The following FIP1L1 variants were observed in gnomAD, a reference collection of about 807,000 sequenced individuals.
FIP1L1 encodes factor interacting with PAPOLA and CPSF1.
A neutral mutation model predicts 84.6 loss-of-function variants in FIP1L1; 21 were observed. That is an observed-to-expected ratio of 0.25 (90% confidence interval 0.18 to 0.36). FIP1L1 has a LOEUF of 0.36. FIP1L1 is among the 10% of genes least tolerant of loss of function. FIP1L1 has a pLI of 1.00. For synonymous variants in FIP1L1, 263 were observed against 242.3 expected (o/e 1.09, Z -0.80); for missense variants, 526 against 751.1 (o/e 0.70, Z 3.50).
chr4:53,410,141 C>G (rs1756398263), intron 10 of FIP1L1, among the ~76,000 whole-genome samples: 1 of 152,204 alleles, frequency 6.6e-6, no homozygotes, highest in African/African-American at 2.4e-5. Context: ...TGGCTCCATC[C>G]TTAAAATCCA....
At chr4:53,432,803 A>G (rs566546104) in intron 13 of FIP1L1, among the ~76,000 whole-genome samples, 2 of 152,304 alleles carry the variant, frequency 1.3e-5, no homozygotes, top group South Asian at 2.1e-4. Flanking sequence ...TTTATTAACT[A>G]TGTTGAAATG....
At chr4:53,454,095 A>G (rs1037170762) in intron 16 of FIP1L1, among the ~76,000 whole-genome samples, 2 of 152,128 alleles carry the variant, frequency 1.3e-5, no homozygotes, top group Non-Finnish European at 2.9e-5. Context: ...TTTTTCTTGT[A>G]TGTGTTTTAA....
At chr4:53,400,695 C>T (rs189331952) in intron 10 of FIP1L1, among the ~76,000 whole-genome samples, 1 of 152,140 alleles carries the variant, frequency 6.6e-6, no homozygotes, top group Non-Finnish European at 1.5e-5. Context: ...TCTAGTCTAG[C>T]TCTAAGATAA....
chr4:53,437,348 AAAAAAG>A (rs1428337433), intron 13 of FIP1L1, among the ~76,000 whole-genome samples: 1 of 150,278 alleles, frequency 6.7e-6, no homozygotes, highest in East Asian at 1.9e-4. Context: ...AAAAAAAAAA[AAAAAAG>A]AGAGAGAAAT....
At chr4:53,421,402 C>A (rs1249614197) in intron 11 of FIP1L1, among the ~76,000 whole-genome samples, 4 of 152,186 alleles carry the variant, frequency 2.6e-5, no homozygotes, top group Admixed American at 2.6e-4. Flanking sequence ...CCCTCTCCAT[C>A]TTTTCTCTAT....
intron 15 of FIP1L1, among the ~76,000 whole-genome samples, chr4:53,450,523 A>G (rs1345660830): frequency 6.6e-6 from 1 of 152,168 alleles, no homozygotes; most frequent in Non-Finnish European, 1.5e-5. Flanking sequence ...TGCTAAGAAC[A>G]TGTAGCTCAA....
intron 10 of FIP1L1, among the ~76,000 whole-genome samples, chr4:53,400,746 T>G (rs1749788633): frequency 6.6e-6 from 1 of 152,216 alleles, no homozygotes; most frequent in South Asian, 2.1e-4. Flanking sequence ...TGGCATAAAG[T>G]GATCCAGGAT....
chr4:53,382,454 T>G (rs1228432828), intron 4 of FIP1L1, 119 bp downstream of exon 4: 17 of 705,648 alleles, frequency 2.4e-5, no homozygotes, highest in Admixed American at 1.4e-4. Context: ...TATCTGGCCC[T>G]TTCTTACATC....
chr4:53,393,479 A>G (rs1355669758), intron 9 of FIP1L1, among the ~76,000 whole-genome samples: 1 of 152,220 alleles, frequency 6.6e-6, no homozygotes, highest in Non-Finnish European at 1.5e-5. Flanking sequence ...ATACAGCTTC[A>G]ACACTTAACA....
At chr4:53,413,705 C>T (rs960720360) in intron 10 of FIP1L1, among the ~76,000 whole-genome samples, 1 of 152,060 alleles carries the variant, frequency 6.6e-6, no homozygotes, top group African/African-American at 2.4e-5. Flanking sequence ...AAGTTTCCTA[C>T]AGAGTTGTTA....
At chr4:53,400,563 CT>C (rs1461567485) in intron 10 of FIP1L1, among the ~76,000 whole-genome samples, 2 of 152,246 alleles carry the variant, frequency 1.3e-5, no homozygotes, top group East Asian at 1.9e-4. Context: ...GATCACTTAC[CT>C]TTTGTGTTAC....
chr4:53,449,734 G>A (rs1423988329), intron 15 of FIP1L1, among the ~76,000 whole-genome samples: 1 of 152,054 alleles, frequency 6.6e-6, no homozygotes, highest in Non-Finnish European at 1.5e-5. Context: ...AAGGCATGTG[G>A]CCTTGTAGGA....
intron 11 of FIP1L1, among the ~76,000 whole-genome samples, chr4:53,421,359 T>G (rs1762331793): frequency 6.6e-6 from 1 of 152,214 alleles, no homozygotes; most frequent in African/African-American, 2.4e-5. Context: ...ATAGGTAATA[T>G]ATTTGCCACG....
intron 10 of FIP1L1, among the ~76,000 whole-genome samples, chr4:53,408,481 GCT>G (rs1755092856): frequency 6.6e-6 from 1 of 152,100 alleles, no homozygotes; most frequent in Non-Finnish European, 1.5e-5. Context: ...TCTTGGAGTT[GCT>G]CTTCTCAAGG....
chr4:53,411,186 G>A (rs1757046177), intron 10 of FIP1L1, among the ~76,000 whole-genome samples: 1 of 152,166 alleles, frequency 6.6e-6, no homozygotes. Flanking sequence ...GCATTTACTT[G>A]AGGGAGTTAT....
At chr4:53,407,629 A>G (rs1754417222) in intron 10 of FIP1L1, among the ~76,000 whole-genome samples, 1 of 151,642 alleles carries the variant, frequency 6.6e-6, no homozygotes, top group Non-Finnish European at 1.5e-5. Context: ...TCCCATTTTT[A>G]TTGTATGGGA....
At chr4:53,429,222 A>G (rs1458508109) in intron 13 of FIP1L1, among the ~76,000 whole-genome samples, 2 of 152,230 alleles carry the variant, frequency 1.3e-5, no homozygotes, top group Non-Finnish European at 2.9e-5. Context: ...AAATATGAAA[A>G]AATGACTTGT....
At chr4:53,404,424 G>T (rs1013206094) in intron 10 of FIP1L1, among the ~76,000 whole-genome samples, 2 of 151,968 alleles carry the variant, frequency 1.3e-5, no homozygotes, top group Non-Finnish European at 2.9e-5. Context: ...TTGGACATTT[G>T]GGTTGGTTCC....
At position 53,391,499 on chromosome 4, in the gene FIP1L1, G is replaced by A. The variant is rs748383921; in HGVS notation, c.705+1G>A. On this transcript the variant is annotated splice_donor_variant, in intron 9 of 17. Coordinates refer to ENST00000337488, the MANE Select transcript of FIP1L1 (RefSeq NM_030917.4). LOFTEE classifies it high-confidence loss of function. ...AGATGGCAGATTCAATCTTTTTAAGGTGAATTTTAGTAAATTATCCTTGGT... is the reference window on the plus strand; with the variant it reads ...AGATGGCAGATTCAATCTTTTTAAGATGAATTTTAGTAAATTATCCTTGGT... 1 of 1,607,588 alleles carries A rather than the reference G, an allele frequency of 6.2e-7. No homozygotes were observed. Among genetic ancestry groups the A allele is most frequent in the East Asian group, 2.2e-5 (1 of 44,786 alleles).
Sources: gnomAD v4.1 joint callset for allele counts (sites outside exome capture counted in the v4.1 genomes callset) on GRCh38, gnomAD v4.1.1 for gene constraint, MANE v1.5 for transcripts, NCBI Gene and HGNC (gene_info 2026-07-23, HGNC 2026-07-21) for gene names.